The following FBN2 variants were observed in gnomAD, a reference collection of about 807,000 sequenced individuals.
The protein encoded by FBN2 is fibrillin-2.
Under a neutral mutation model 355.6 loss-of-function variants are expected in FBN2, and 105 were observed. That is an observed-to-expected ratio of 0.30 (90% CI 0.25 to 0.35). The LOEUF (loss-of-function observed/expected upper bound fraction) is 0.35. FBN2 is among the 10% of genes least tolerant of loss of function. The probability of loss-of-function intolerance (pLI) is 1.00; values close to 1 mark genes in which losing one functional copy is unlikely to be tolerated. For synonymous variants in FBN2, 1,350 were observed against 1,301.2 expected (o/e 1.04, Z -0.81); for missense variants, 3,280 against 3,758.7 (o/e 0.87, Z 3.33).
At chr5:128,520,983 G>A (rs1289152978) in intron 4 of FBN2, among the ~76,000 whole-genome samples, 5 of 152,004 alleles carry the variant, frequency 3.3e-5, no homozygotes, top group African/African-American at 1.2e-4. Flanking sequence ...TGGGAAGGTG[G>A]GAAAAAACAA....
chr5:128,443,041 G>A lies in FBN2; in HGVS notation c.952+3440C>T, dbSNP rs570166729. On this transcript the variant is annotated intron_variant, in intron 7 of 64. Coordinates refer to ENST00000262464, the MANE Select transcript of FBN2 (RefSeq NM_001999.4). Reference sequence around the variant, plus strand: ...ATTTTTTGGCAGAATAAGCCTTTCAGAATAAGATTTCTGTTAAGAAGACAT... The same window carrying A: ...ATTTTTTGGCAGAATAAGCCTTTCAAAATAAGATTTCTGTTAAGAAGACAT... 4.6e-5 allele frequency among the ~76,000 whole-genome samples: 7 copies of A among 152,232 alleles called. No homozygotes were observed. The East Asian group carries it at 7.7e-4, about 17-fold the overall frequency.
At chr5:128,389,548 C>G (rs1360656731) in intron 11 of FBN2, among the ~76,000 whole-genome samples, 1 of 152,162 alleles carries the variant, frequency 6.6e-6, no homozygotes, top group Non-Finnish European at 1.5e-5. Flanking sequence ...TGTCCAGGTC[C>G]AACAGTCAAC....
At chr5:128,407,380 CTCT>C (rs1752953638) in intron 8 of FBN2, among the ~76,000 whole-genome samples, 1 of 152,146 alleles carries the variant, frequency 6.6e-6, no homozygotes, top group African/African-American at 2.4e-5. Context: ...CCTCCTCCTC[CTCT>C]TAATAAGAAT....
chr5:128,514,666 G>A (rs1347722285), intron 5 of FBN2, among the ~76,000 whole-genome samples: 1 of 152,038 alleles, frequency 6.6e-6, no homozygotes, highest in Non-Finnish European at 1.5e-5. Context: ...CCCAAAGCAC[G>A]TATAACTTAC....
chr5:128,445,653 T>C (rs138164723), intron 7 of FBN2, among the ~76,000 whole-genome samples: 1 of 152,310 alleles, frequency 6.6e-6, no homozygotes, highest in Non-Finnish European at 1.5e-5. Context: ...TTATACTCTA[T>C]TGCCTTTAGA....
intron 36 of FBN2, among the ~76,000 whole-genome samples, chr5:128,316,414 A>T (rs959607074): frequency 6.6e-6 from 1 of 152,240 alleles, no homozygotes; most frequent in Non-Finnish European, 1.5e-5. Flanking sequence ...AGGTTCCAAT[A>T]GATTCCTATG....
chr5:128,330,642 C>T lies in FBN2; in HGVS notation c.4276G>A (p.Val1426Ile), dbSNP rs759674487. The T allele has an allele frequency of 1.2e-6, 2 of 1,613,974 alleles. No homozygotes were observed. Among genetic ancestry groups the T allele is most frequent in the African/African-American group, 2.7e-5 (2 of 75,042 alleles). Residue 1426 changes from valine to isoleucine, a missense_variant, in exon 33 of 65, where the codon GTA becomes ATA. By Grantham distance (29) the Val-to-Ile change is conservative. Transcript: ENST00000262464. ...THQCSINAQC[V>I]NTPGSYRCAC... ...CAGCGGTATGAGCCCGGGGTATTTA[C>T]ACACTGAGCATTGATGCTACACTGG...
intron 11 of FBN2, among the ~76,000 whole-genome samples, chr5:128,388,656 A>G (rs1752429613): frequency 6.6e-6 from 1 of 152,244 alleles, no homozygotes. Flanking sequence ...AATGCTGAAT[A>G]TAGGCACCCA....
At chr5:128,470,144 A>C (rs1754817529) in intron 5 of FBN2, among the ~76,000 whole-genome samples, 1 of 152,212 alleles carries the variant, frequency 6.6e-6, no homozygotes, top group African/African-American at 2.4e-5. Context: ...GGATAGCCAG[A>C]GAGATGGGAG....
chr5:128,437,888 A>G (rs894989738), intron 7 of FBN2, among the ~76,000 whole-genome samples: 6 of 152,228 alleles, frequency 3.9e-5, no homozygotes, highest in Admixed American at 3.9e-4. Flanking sequence ...ATAAAAAAGA[A>G]AAAGAAATTG....
rs750707662 is a variant in FBN2, at chr5:128,339,074, G to A, written c.3344-13C>T. On this transcript the variant is annotated splice_polypyrimidine_tract_variant and intron_variant, in intron 25 of 64. Transcript: ENST00000262464. The stretch of plus-strand genomic sequence containing the variant: ...CACTCGTCGATGTCTAATTCACAGG[G>A]TTTAAAAGAAATTTAAAAATTGAAT... 10 of 1,613,426 alleles carry A rather than the reference G, an allele frequency of 6.2e-6. No individual in the cohort carries two copies. The highest frequency in any genetic ancestry group is 8.5e-6 in the Non-Finnish European group (10 of 1,179,498).
chr5:128,418,192 T>C (rs979905270), intron 7 of FBN2, among the ~76,000 whole-genome samples: 2 of 152,182 alleles, frequency 1.3e-5, no homozygotes, highest in Admixed American at 6.5e-5. Flanking sequence ...TTTCTAATTT[T>C]GATTAGTTAG....
chr5:128,308,184 T>C (rs1008175642), intron 41 of FBN2, among the ~76,000 whole-genome samples: 3 of 152,134 alleles, frequency 2.0e-5, no homozygotes, highest in Non-Finnish European at 2.9e-5. Flanking sequence ...CTTAAGAGTT[T>C]TGATTTAAAT....
At chr5:128,497,382 T>TA (rs1266058375) in intron 5 of FBN2, among the ~76,000 whole-genome samples, 40 of 152,310 alleles carry the variant, frequency 2.6e-4, no homozygotes, top group African/African-American at 9.6e-4. Context: ...TCTGGTTTGA[T>TA]AATCATCACA....
chr5:128,528,945 C>T (rs924069525), intron 3 of FBN2, among the ~76,000 whole-genome samples: 3 of 152,156 alleles, frequency 2.0e-5, no homozygotes, highest in Non-Finnish European at 4.4e-5. Flanking sequence ...TCCAGTAAAG[C>T]CTACAGGACT....
chr5:128,273,981 C>G lies in FBN2; in HGVS notation c.7712-13G>C, dbSNP rs1416480719. The G allele has an allele frequency of 6.2e-7, 1 of 1,613,686 alleles. No homozygotes were observed. The highest frequency in any genetic ancestry group is 8.5e-7 in the Non-Finnish European group (1 of 1,179,848). On this transcript the variant is annotated splice_polypyrimidine_tract_variant and intron_variant, in intron 60 of 64. Transcript: ENST00000262464. ...CATTCGTTGTTGTCTGGCAAAGCAT[C>G]AAGAAGCAGAGCGTCAAACTTTCCA...
intron 7 of FBN2, among the ~76,000 whole-genome samples, chr5:128,436,786 C>CT (rs1474334657): frequency 1.3e-5 from 2 of 152,056 alleles, no homozygotes; most frequent in Admixed American, 6.6e-5. Flanking sequence ...AAAAAGTAAC[C>CT]CAGAAGACAA....
At chr5:128,366,583 T>C (rs1255196668) in intron 16 of FBN2, among the ~76,000 whole-genome samples, 153 bp from the exon 17 acceptor site, 1 of 152,086 alleles carries the variant, frequency 6.6e-6, no homozygotes, top group African/African-American at 2.4e-5. Context: ...CAAACAATTA[T>C]TATAAAATTC....
intron 34 of FBN2, among the ~76,000 whole-genome samples, chr5:128,325,266 C>T (rs1298102142): frequency 1.3e-5 from 2 of 152,132 alleles, no homozygotes; most frequent in East Asian, 3.9e-4. Context: ...TCTCTAAGAA[C>T]TTGCTTTATG....
Sources: gnomAD v4.1 joint callset for allele counts (sites outside exome capture counted in the v4.1 genomes callset) on GRCh38, gnomAD v4.1.1 for gene constraint, MANE v1.5 for transcripts, NCBI Gene and HGNC (gene_info 2026-07-23, HGNC 2026-07-21) for gene names.